RIPOR2: variants seen among roughly 807,000 people sequenced by gnomAD.
RIPOR2 encodes the protein RHO family interacting cell polarization regulator 2, also known as rho family-interacting cell polarization regulator 2.
In RIPOR2, 39 loss-of-function variants were observed where a neutral mutation model predicts 114.5. The observed-to-expected ratio is 0.34, with a 90% CI of 0.26 to 0.44. The LOEUF (loss-of-function observed/expected upper bound fraction) is 0.44. Ranked by LOEUF, RIPOR2 falls within the 20% of genes least tolerant of loss-of-function variation. The pLI is 1.00. For missense variants in RIPOR2, 1,007 were observed against 1,255.1 expected, an observed-to-expected ratio of 0.80 and a Z score of 2.99; for synonymous variants, 445 against 484.4, an observed-to-expected ratio of 0.92 and a Z score of 1.07.
intron 1 of RIPOR2, among the ~76,000 whole-genome samples, chr6:24,921,662 C>T (rs1355633294): frequency 6.7e-6 from 1 of 150,216 alleles, no homozygotes; most frequent in African/African-American, 2.4e-5. Context: ...CCCCCCCCGA[C>T]CCTGATGTAC....
intron 13 of RIPOR2, chr6:24,839,579 A>T: frequency 6.6e-7 from 1 of 1,512,666 alleles, no homozygotes; most frequent in Non-Finnish European, 9.0e-7. Context: ...ACTGGGATCC[A>T]TTAGAGGATC....
In RIPOR2 at chr6:24,892,268, ATTTT is replaced by A. The variant is rs903806959; in HGVS notation, c.62-16455_62-16452del. Among the ~76,000 whole-genome samples the A allele has an allele frequency of 3.9e-5, 6 of 152,014 alleles. 1 individual carries two copies. In the South Asian group the frequency reaches 1.2e-3, roughly 32 times the overall value. On this transcript the variant is annotated intron_variant, in intron 1 of 21. Coordinates refer to ENST00000643898, the MANE Select transcript of RIPOR2 (RefSeq NM_001286445.3). ...TTTAAATCTTGTTTGTACCCGATAG[ATTTT>A]TTTCTTTTTTTTAAGAGACAAGGTC... is the stretch of plus-strand genomic sequence containing the variant.
chr6:24,846,422 C>G (rs1762294572), intron 12 of RIPOR2, among the ~76,000 whole-genome samples: 1 of 148,584 alleles, frequency 6.7e-6, no homozygotes, highest in Non-Finnish European at 1.5e-5. Flanking sequence ...TCTCCTGCTT[C>G]AGTCTCCTGG....
At chr6:24,907,498 T>C (rs905128297) in intron 1 of RIPOR2, among the ~76,000 whole-genome samples, 3 of 152,024 alleles carry the variant, frequency 2.0e-5, no homozygotes, top group African/African-American at 7.3e-5. Flanking sequence ...CCAACCTAAG[T>C]GAGATGAGTT....
chr6:24,940,199 T>C (rs1362459205), upstream of RIPOR2, among the ~76,000 whole-genome samples: 1 of 152,108 alleles, frequency 6.6e-6, no homozygotes, highest in Non-Finnish European at 1.5e-5. Context: ...AAAATATTTC[T>C]GCATAGTTTG....
Position 24,865,309 on chromosome 6 carries a change from A to G in RIPOR2, c.643T>C (p.Tyr215His). 6.2e-7 allele frequency: 1 copy of G among 1,611,920 alleles called. No homozygotes were observed. The highest frequency in any genetic ancestry group is 8.5e-7 in the Non-Finnish European group (1 of 1,178,862). ...AGGTTAGGGAGTTATACCTCTGTGT[A>G]CTCCTTGAAGCTCCGATTGATCTCT... Reference protein sequence around the residue: ...LTEINRSFKEYTENMCTIEVE... With the variant: ...LTEINRSFKEHTENMCTIEVE... Residue 215 changes from tyrosine to histidine, a missense_variant, in exon 7 of 22, where the codon TAC (tyrosine) becomes CAC (histidine). By Grantham distance (83) the Tyr-to-His change is moderately conservative (BLOSUM62 2). Transcript: ENST00000643898.
At chr6:25,038,685 C>T (rs1020712745) in intron 1 of RIPOR2, among the ~76,000 whole-genome samples, 1 of 152,206 alleles carries the variant, frequency 6.6e-6, no homozygotes, top group Admixed American at 6.5e-5. Context: ...GATGAGATTG[C>T]AGCCCCAGAG....
At chr6:24,955,776 G>A (rs534033301) in intron 1 of RIPOR2, among the ~76,000 whole-genome samples, 72 of 151,576 alleles carry the variant, frequency 4.8e-4, no homozygotes, top group African/African-American at 1.7e-3. Context: ...AGGCTGAGGT[G>A]GGTAGATCAC....
intron 1 of RIPOR2, among the ~76,000 whole-genome samples, chr6:24,898,967 TTTC>T (rs1274843858): frequency 1.3e-5 from 2 of 150,784 alleles, no homozygotes; most frequent in East Asian, 3.9e-4. Context: ...TTTTTTTTTT[TTTC>T]AGTAAACTTG....
chr6:24,956,692 A>C (rs1163425324), intron 1 of RIPOR2, among the ~76,000 whole-genome samples: 2 of 151,586 alleles, frequency 1.3e-5, no homozygotes, highest in African/African-American at 4.8e-5. Flanking sequence ...AGTCTGCCGC[A>C]GAGGCTGGAG....
At chr6:24,811,194 T>C (rs1262731204) in intron 20 of RIPOR2, among the ~76,000 whole-genome samples, 1 of 151,850 alleles carries the variant, frequency 6.6e-6, no homozygotes, top group Admixed American at 6.6e-5. Flanking sequence ...TTTCCAAGAT[T>C]TTGGCAAGTT....
chr6:25,033,171 C>T (rs1008460784), intron 1 of RIPOR2, among the ~76,000 whole-genome samples: 1 of 151,104 alleles, frequency 6.6e-6, no homozygotes, highest in South Asian at 2.1e-4. Flanking sequence ...GCCGCGACGG[C>T]GCCACACGCC....
At chr6:24,868,317 G>T (rs1764826885) in intron 6 of RIPOR2, among the ~76,000 whole-genome samples, 1 of 152,130 alleles carries the variant, frequency 6.6e-6, no homozygotes, top group Non-Finnish European at 1.5e-5. Flanking sequence ...GGCAGAGCTG[G>T]GAATAGAACC....
At chr6:24,822,018 G>A (rs1759745408) in intron 19 of RIPOR2, among the ~76,000 whole-genome samples, 1 of 152,210 alleles carries the variant, frequency 6.6e-6, no homozygotes, top group African/African-American at 2.4e-5. Context: ...GAAATGGCAG[G>A]AGTTCAAGGC....
chr6:24,844,511 C>A (rs1762061454), intron 12 of RIPOR2, among the ~76,000 whole-genome samples: 1 of 150,718 alleles, frequency 6.6e-6, no homozygotes, highest in South Asian at 2.1e-4. Flanking sequence ...CCTTTTGTTG[C>A]CCAGGCTGGA....
rs187396904 is a variant in RIPOR2 at position 24,916,677 on chromosome 6, C to T, written c.61+19161G>A. Among the ~76,000 whole-genome samples, 10 of 152,310 alleles carry T rather than the reference C, an allele frequency of 6.6e-5. No homozygotes were observed. In the East Asian group the frequency reaches 1.9e-3, roughly 29 times the overall value. On this transcript the variant is annotated intron_variant, in intron 1 of 21. Coordinates refer to ENST00000643898, the MANE Select transcript of RIPOR2 (RefSeq NM_001286445.3). Reference sequence around the variant, plus strand: ...GCTTTCTGAACTGCTAAGAGAAAGACCCTGTTATCCTTTGCCCGTGTCTGG... The same window carrying T: ...GCTTTCTGAACTGCTAAGAGAAAGATCCTGTTATCCTTTGCCCGTGTCTGG...
chr6:24,995,881 C>A (rs936230306), intron 1 of RIPOR2, among the ~76,000 whole-genome samples: 2 of 150,806 alleles, frequency 1.3e-5, no homozygotes, highest in Non-Finnish European at 2.9e-5. Flanking sequence ...CAGCTCACTG[C>A]AAGCTCCGCC....
At chr6:24,843,806 C>G (rs1761993117) in intron 12 of RIPOR2, among the ~76,000 whole-genome samples, 1 of 149,922 alleles carries the variant, frequency 6.7e-6, no homozygotes, top group Admixed American at 6.7e-5. Context: ...GGTGAAAGTT[C>G]ATGGCAATAG....
At chr6:25,021,070 G>T (rs1314741725) in intron 1 of RIPOR2, among the ~76,000 whole-genome samples, 1 of 152,126 alleles carries the variant, frequency 6.6e-6, no homozygotes, top group African/African-American at 2.4e-5. Context: ...TGTTGGCCAG[G>T]CTGGTCTCGA....
Sources: gnomAD v4.1 joint callset for allele counts (sites outside exome capture counted in the v4.1 genomes callset) on GRCh38, gnomAD v4.1.1 for gene constraint, MANE v1.5 for transcripts, NCBI Gene and HGNC (gene_info 2026-07-23, HGNC 2026-07-21) for gene names.